The following FRYL variants were observed in gnomAD, a reference collection of about 807,000 sequenced individuals.
FRYL encodes the protein FRY like transcription coactivator, also known as protein furry homolog-like.
Under a neutral mutation model 351.2 loss-of-function variants are expected in FRYL, and 150 were observed. That is an observed-to-expected ratio of 0.43 (90% CI 0.37 to 0.49). The LOEUF (loss-of-function observed/expected upper bound fraction) is 0.49. FRYL is among the 20% of genes least tolerant of loss of function. FRYL has a pLI of 0.00. For synonymous variants in FRYL, 1,153 were observed against 1,257.1 expected (o/e 0.92, Z 1.75); for missense variants, 3,036 against 3,619.3 (o/e 0.84, Z 4.13).
At chr4:48,657,109 A>G (rs1759380613) in intron 3 of FRYL, among the ~76,000 whole-genome samples, 1 of 152,184 alleles carries the variant, frequency 6.6e-6, no homozygotes, top group Admixed American at 6.6e-5. Flanking sequence ...CAAACCTTTT[A>G]GATGATGATG....
chr4:48,602,710 A>C (rs974779821), intron 12 of FRYL, among the ~76,000 whole-genome samples: 1 of 152,188 alleles, frequency 6.6e-6, no homozygotes, highest in Non-Finnish European at 1.5e-5. Flanking sequence ...TATGTGAAAT[A>C]GACAGGTAGA....
intron 44 of FRYL, 94 bp downstream of exon 44, chr4:48,543,713 A>G (rs1231246778): frequency 9.3e-7 from 1 of 1,077,508 alleles, no homozygotes; most frequent in Non-Finnish European, 1.3e-6. Context: ...CTAGATGCCC[A>G]TTATCTTGCT....
chr4:48,692,505 G>A (rs913622643), intron 2 of FRYL, among the ~76,000 whole-genome samples: 1 of 151,824 alleles, frequency 6.6e-6, no homozygotes, highest in Non-Finnish European at 1.5e-5. Context: ...TGATTCTCCT[G>A]CCTCAGCCTC....
intron 29 of FRYL, among the ~76,000 whole-genome samples, 185 bp downstream of exon 29, chr4:48,565,346 T>TA (rs1736537099): frequency 6.6e-6 from 1 of 152,172 alleles, no homozygotes; most frequent in Admixed American, 6.6e-5. Context: ...CAAATTTGAG[T>TA]AGATTCTGGA....
intron 42 of FRYL, among the ~76,000 whole-genome samples, chr4:48,545,653 C>T (rs1731175050): frequency 6.6e-6 from 1 of 152,174 alleles, no homozygotes; most frequent in South Asian, 2.1e-4. Context: ...TCACCATTTC[C>T]AAACACATGG....
chr4:48,615,408 A>G (rs1291247394), intron 7 of FRYL, among the ~76,000 whole-genome samples: 1 of 152,250 alleles, frequency 6.6e-6, no homozygotes, highest in African/African-American at 2.4e-5. Flanking sequence ...AATAAAACCA[A>G]GCCAAGAGCT....
At chr4:48,563,240 T>C (rs528055823) in intron 31 of FRYL, among the ~76,000 whole-genome samples, 1 of 151,644 alleles carries the variant, frequency 6.6e-6, no homozygotes, top group South Asian at 2.1e-4. Context: ...AGAATTGTCT[T>C]GTGTCACACA....
chr4:48,779,317 A>C (rs1776373834), intron 1 of FRYL, among the ~76,000 whole-genome samples: 1 of 152,184 alleles, frequency 6.6e-6, no homozygotes, highest in Admixed American at 6.5e-5. Flanking sequence ...CTACAGGCCG[A>C]GTCAGCTCGC....
At chr4:48,554,912 G>A (rs549999596) in intron 35 of FRYL, among the ~76,000 whole-genome samples, 1 of 152,018 alleles carries the variant, frequency 6.6e-6, no homozygotes, top group Non-Finnish European at 1.5e-5. Flanking sequence ...ATCAGATCTG[G>A]GTTGGAATTC....
intron 37 of FRYL, among the ~76,000 whole-genome samples, chr4:48,551,132 T>A (rs922030192): frequency 2.3e-4 from 35 of 152,122 alleles, no homozygotes; most frequent in Non-Finnish European, 4.3e-4. Flanking sequence ...GTACATTAAT[T>A]TCCACCTTAT....
At chr4:48,523,799 C>CT (rs1725394548) in intron 53 of FRYL, among the ~76,000 whole-genome samples, 1 of 152,164 alleles carries the variant, frequency 6.6e-6, no homozygotes, top group African/African-American at 2.4e-5. Flanking sequence ...AATGCAAAAA[C>CT]TGACTTTAAA....
intron 16 of FRYL, among the ~76,000 whole-genome samples, chr4:48,592,466 G>GA (rs1292364573): frequency 1.3e-5 from 2 of 151,524 alleles, no homozygotes; most frequent in Non-Finnish European, 2.9e-5. Flanking sequence ...CTCCCCCACA[G>GA]AAAAAAACCC....
At chr4:48,584,134 A>G (rs1361535375) in intron 19 of FRYL, among the ~76,000 whole-genome samples, 1 of 152,212 alleles carries the variant, frequency 6.6e-6, no homozygotes, top group Non-Finnish European at 1.5e-5. Flanking sequence ...CCACCATTAT[A>G]TAATAATATT....
At chr4:48,610,936 T>C (rs1748046065) in intron 7 of FRYL, among the ~76,000 whole-genome samples, 1 of 151,682 alleles carries the variant, frequency 6.6e-6, no homozygotes, top group Non-Finnish European at 1.5e-5. Context: ...ATTTTCAATA[T>C]TCAAGTAGTA....
intron 56 of FRYL, 60 bp from the exon 57 acceptor site, chr4:48,512,748 A>G: frequency 8.0e-7 from 1 of 1,246,706 alleles, no homozygotes. Context: ...AATAGGCTCA[A>G]TCACGTAAGA....
intron 11 of FRYL, among the ~76,000 whole-genome samples, chr4:48,605,265 T>G (rs1746536287): frequency 6.6e-6 from 1 of 152,210 alleles, no homozygotes. Flanking sequence ...ATTCTTAACT[T>G]TTAAAACAAT....
rs191055627 is a variant in FRYL at position 48,580,017 on chromosome 4, A to C, written c.2260-776T>G. 2.0e-3 allele frequency among the ~76,000 whole-genome samples: 311 copies of C among 152,048 alleles called. No individual in the cohort carries two copies. In the Middle Eastern group the frequency reaches 0.034, roughly 17 times the overall value. ...AATTGTATCTATTTAAAAATAAATA[A>C]AAATTAAAAATTAGTTTTTTAAAAA... On this transcript the variant is annotated intron_variant, in intron 22 of 63. Transcript: ENST00000358350.
intron 1 of FRYL, among the ~76,000 whole-genome samples, chr4:48,778,739 T>C (rs1579009405): frequency 6.6e-6 from 1 of 152,224 alleles, no homozygotes; most frequent in South Asian, 2.1e-4. Flanking sequence ...ATAATGGCTG[T>C]AAATTCAGTA....
intron 4 of FRYL, among the ~76,000 whole-genome samples, chr4:48,631,760 A>T (rs1753009597): frequency 6.6e-6 from 1 of 151,902 alleles, no homozygotes; most frequent in Admixed American, 6.6e-5. Flanking sequence ...ATATATGGGA[A>T]GTTTGGAATG....
Sources: gnomAD v4.1 joint callset for allele counts (sites outside exome capture counted in the v4.1 genomes callset) on GRCh38, gnomAD v4.1.1 for gene constraint, MANE v1.5 for transcripts, NCBI Gene and HGNC (gene_info 2026-07-23, HGNC 2026-07-21) for gene names.